Variants in B4GALT3 observed in about 807,000 individuals in gnomAD.
The protein encoded by B4GALT3 is N-acetyllactosamine synthase.
A neutral mutation model predicts 40.7 loss-of-function variants in B4GALT3; 29 were observed. That is an observed-to-expected ratio of 0.71 (90% CI 0.53 to 0.97). B4GALT3 has a LOEUF of 0.97. Ranked by LOEUF, B4GALT3 falls within the 50% of genes least tolerant of loss-of-function variation. The pLI, the probability that B4GALT3 is intolerant of heterozygous loss-of-function variation, is 0.00. For synonymous variants in B4GALT3, 182 were observed against 203.9 expected, an observed-to-expected ratio of 0.89 and a Z score of 0.92; for missense variants, 390 against 522.3, an observed-to-expected ratio of 0.75 and a Z score of 2.47.
intron 6 of B4GALT3, among the ~76,000 whole-genome samples, chr1:161,172,812 G>A (rs1442152688): frequency 6.6e-6 from 1 of 151,236 alleles, no homozygotes; most frequent in African/African-American, 2.4e-5. Flanking sequence ...AGGATCACTT[G>A]AGGCCAGGAG....
At chr1:161,176,891 G>C in intron 1 of B4GALT3, 1 of 1,536,284 alleles carries the variant, frequency 6.5e-7, no homozygotes, top group Non-Finnish European at 8.7e-7. Flanking sequence ...TGACAGGACC[G>C]TGGAGTGGCC....
Position 161,175,080 on chromosome 1 carries a change from C to A in B4GALT3, c.402G>T (p.Arg134=), listed in dbSNP as rs1211135242. 1 of 1,613,916 alleles carries A rather than the reference C, an allele frequency of 6.2e-7. No individual in the cohort carries two copies. Among genetic ancestry groups the A allele is most frequent in the Non-Finnish European group, 8.5e-7 (1 of 1,179,938 alleles). The change falls in exon 4 of 8, where the codon CGG becomes CGT. Residue 134 remains arginine, a synonymous_variant. Transcript: ENST00000319769. The part of the protein sequence containing the change: ...RTAIIVPHRA[R]EHHLRLLLYH... ...AGAGCAGCAGGCGCAGGTGGTGCTCCCGGGCACGATGAGGCACAATGATGG... is the reference window on the plus strand; with the variant it reads ...AGAGCAGCAGGCGCAGGTGGTGCTCACGGGCACGATGAGGCACAATGATGG...
chr1:161,172,561 T>C (rs1484364087), intron 6 of B4GALT3, among the ~76,000 whole-genome samples: 1 of 152,182 alleles, frequency 6.6e-6, no homozygotes, highest in Non-Finnish European at 1.5e-5. Context: ...CTTTAAACAG[T>C]TGGCAACCTA....
chr1:161,173,496 C>G lies in B4GALT3; in HGVS notation c.803+109G>C, dbSNP rs898393176. On this transcript the variant is annotated intron_variant, in intron 6 of 7. Transcript: ENST00000319769. ...CTAAGGGAAAGGAATGGGCTCAGTG[C>G]AGGACCAGGGAGCTAAAGGTTAGTG... The G allele has an allele frequency of 2.7e-6, 4 of 1,504,956 alleles. No individual in the cohort carries two copies. The African/African-American group carries it at 4.1e-5, about 16-fold the overall frequency. 93.2% of individuals were successfully genotyped at this position (1,504,956 alleles called of 1,614,324 possible).
At chr1:161,172,412 A>T in intron 6 of B4GALT3, 81 bp from the exon 7 acceptor site, 1 of 1,249,230 alleles carries the variant, frequency 8.0e-7, no homozygotes, top group African/African-American at 1.5e-5. Context: ...GTACACACAA[A>T]AAAACAACTA....
At chr1:161,175,328 G>A in intron 3 of B4GALT3, 100 bp from the exon 4 acceptor site, 1 of 1,064,654 alleles carries the variant, frequency 9.4e-7, no homozygotes, top group South Asian at 1.4e-5. Flanking sequence ...TCTGGTTCTG[G>A]GGCTTAGTTC....
At position 161,172,295 on chromosome 1, in the gene B4GALT3, G is replaced by C. The variant is rs745804708; in HGVS notation, c.840C>G (p.Pro280=). 2 of 1,613,870 alleles carry C rather than the reference G, an allele frequency of 1.2e-6. No homozygotes were observed. Among genetic ancestry groups the C allele is most frequent in the South Asian group, 1.1e-5 (1 of 91,052 alleles). The change falls in exon 7 of 8, where the codon CCC becomes CCG. Residue 280 remains proline, a synonymous_variant. Coordinates refer to ENST00000319769, the MANE Select transcript of B4GALT3 (RefSeq NM_003779.4). Reference sequence around the variant, plus strand: ...CCATCTTATAGTGTCCTACAGATGTGGGGGGCCGAGAGATCTTCATCCCAG... The same window carrying C: ...CCATCTTATAGTGTCCTACAGATGTCGGGGGCCGAGAGATCTTCATCCCAG... ...RLAGMKISRP[P]TSVGHYKMVK...
chr1:161,175,213 AC>A lies in B4GALT3; in HGVS notation c.268del (p.Val90CysfsTer19). 6.2e-7 allele frequency: 1 copy of A among 1,613,094 alleles called. No individual in the cohort carries two copies. Among genetic ancestry groups the A allele is most frequent in the Non-Finnish European group, 8.5e-7 (1 of 1,179,660 alleles). On this transcript the variant is annotated frameshift_variant, in exon 4 of 8. Transcript: ENST00000319769. LOFTEE classifies it high-confidence loss of function. ...RSPLLVGPVS[V>X]SFSPVPSLAE... ...CAGTGATGGCACTGGGCTAAAGGAC[AC>A]CGACACAGGACCCACTGTTGGGAAG...
At chr1:161,174,647 C>G (rs1662815256) in intron 4 of B4GALT3, among the ~76,000 whole-genome samples, 1 of 152,186 alleles carries the variant, frequency 6.6e-6, no homozygotes, top group African/African-American at 2.4e-5. Context: ...TTATCTTATG[C>G]TCTTTCCTCA....
At chr1:161,175,349 C>A in intron 3 of B4GALT3, 121 bp from the exon 4 acceptor site, 1 of 855,450 alleles carries the variant, frequency 1.2e-6, no homozygotes, top group Non-Finnish European at 1.8e-6. Flanking sequence ...TCAGGGCTCA[C>A]TCAGAAATCT....
At position 161,174,065 on chromosome 1, in the gene B4GALT3, G is replaced by A. The variant is rs772912221; in HGVS notation, c.490-16C>T. 12 of 1,611,292 alleles carry A rather than the reference G, an allele frequency of 7.4e-6. No individual in the cohort carries two copies. The African/African-American group carries it at 1.1e-4, about 14-fold the overall frequency. On this transcript the variant is annotated splice_polypyrimidine_tract_variant and intron_variant, in intron 4 of 7. Coordinates refer to ENST00000319769, the MANE Select transcript of B4GALT3 (RefSeq NM_003779.4). ...CATTTCCAGCCTGGAAGATAATGGA[G>A]GGGAACCAGACTATGTCTGTAGGTG...
intron 4 of B4GALT3, among the ~76,000 whole-genome samples, chr1:161,174,755 C>G (rs993812182): frequency 1.3e-5 from 2 of 152,144 alleles, no homozygotes; most frequent in Non-Finnish European, 2.9e-5. Context: ...TCTGCACAAG[C>G]CATTCAATAA....
At chr1:161,172,698 G>A (rs1390670313) in intron 6 of B4GALT3, among the ~76,000 whole-genome samples, 1 of 152,010 alleles carries the variant, frequency 6.6e-6, no homozygotes, top group East Asian at 1.9e-4. Flanking sequence ...AATAGTGACT[G>A]AGCTACCCCA....
At chr1:161,174,146 G>T in intron 4 of B4GALT3, 97 bp from the exon 5 acceptor site, 1 of 1,316,738 alleles carries the variant, frequency 7.6e-7, no homozygotes, top group East Asian at 2.4e-5. Flanking sequence ...GGTGGCTTAC[G>T]CCTGTAATCC....
At position 161,172,302 on chromosome 1, in the gene B4GALT3, CGA is replaced by C; in HGVS notation, c.831_832del (p.Arg278AlafsTer9). The C allele has an allele frequency of 1.2e-6, 2 of 1,613,770 alleles. No homozygotes were observed. The highest frequency in any genetic ancestry group is 1.3e-5 in the African/African-American group (1 of 74,898). The stretch of plus-strand genomic sequence containing the variant: ...ATAGTGTCCTACAGATGTGGGGGGC[CGA>C]GAGATCTTCATCCCAGCCAGGCGCA... On this transcript the variant is annotated frameshift_variant, in exon 7 of 8. Transcript: ENST00000319769. LOFTEE classifies it high-confidence loss of function.
intron 6 of B4GALT3, among the ~76,000 whole-genome samples, chr1:161,172,581 C>T (rs1266750554): frequency 6.6e-6 from 1 of 152,196 alleles, no homozygotes; most frequent in Non-Finnish European, 1.5e-5. Context: ...ATTCCCTTGG[C>T]TTCCTAAAGG....
At position 161,175,143 on chromosome 1, in the gene B4GALT3, C is replaced by T; in HGVS notation, c.339G>A (p.Arg113=). 1 of 1,613,980 alleles carries T rather than the reference C, an allele frequency of 6.2e-7. No homozygotes were observed. Among genetic ancestry groups the T allele is most frequent in the Non-Finnish European group, 8.5e-7 (1 of 1,179,928 alleles). The change falls in exon 4 of 8, where the codon CGG becomes CGA. Residue 113 remains arginine (R), a synonymous_variant. Coordinates refer to ENST00000319769, the MANE Select transcript of B4GALT3 (RefSeq NM_003779.4). ...GGGGCTCACAACCTGCAGGGCGGTA[C>T]CGGCCCCCTGGTTCTACCCGGGGAT... ...ERNPRVEPGG[R]YRPAGCEPRS...
Position 161,171,333 on chromosome 1 carries a change from A to G in B4GALT3, c.*483T>C. 8.2e-7 allele frequency: 1 copy of G among 1,224,354 alleles called. No homozygotes were observed. Among genetic ancestry groups the G allele is most frequent in the South Asian group, 1.3e-5 (1 of 76,774 alleles). The allele number at this position is 1,224,354 out of a possible 1,614,324, so 75.8% of individuals were successfully genotyped here. Reference sequence around the variant, plus strand: ...GATGCGAGACAAAGTCCTTTATTAGAAAATATATCAAAATCCCAGCCCCCT... The same window carrying G: ...GATGCGAGACAAAGTCCTTTATTAGGAAATATATCAAAATCCCAGCCCCCT... On this transcript the variant is annotated 3_prime_UTR_variant, in exon 8 of 8. Coordinates refer to ENST00000319769, the MANE Select transcript of B4GALT3 (RefSeq NM_003779.4).
rs566229605 is a variant in B4GALT3, at chr1:161,177,073, C to T, written c.-161+350G>A. Reference sequence around the variant, plus strand: ...CGTCCTCTACCTTTTCTACCTTTCCCCTCTTCTAGCGGGGGTGGGGAGGAG... The same window carrying T: ...CGTCCTCTACCTTTTCTACCTTTCCTCTCTTCTAGCGGGGGTGGGGAGGAG... On this transcript the variant is annotated intron_variant, in intron 1 of 7. Transcript: ENST00000319769. 1.7e-5 allele frequency: 26 copies of T among 1,535,412 alleles called. 1 individual carries two copies. The South Asian group carries it at 2.6e-4, about 15-fold the overall frequency.
Sources: gnomAD v4.1 joint callset for allele counts (sites outside exome capture counted in the v4.1 genomes callset) on GRCh38, gnomAD v4.1.1 for gene constraint, MANE v1.5 for transcripts, NCBI Gene and HGNC (gene_info 2026-07-23, HGNC 2026-07-21) for gene names.